Variants in MS4A4E observed in about 807,000 individuals in gnomAD.
MS4A4E encodes membrane spanning 4-domains A4E, also known as putative membrane-spanning 4-domains subfamily A member 4E.
A neutral mutation model predicts 13.3 loss-of-function variants in MS4A4E; 23 were observed. That is an observed-to-expected ratio of 1.73 (90% confidence interval 1.25 to 2.45). The LOEUF is 2.45. MS4A4E is among the 30% of genes most tolerant of loss of function. The pLI, the probability that MS4A4E is intolerant of heterozygous loss-of-function variation, is 0.00. For missense variants in MS4A4E, 144 were observed against 131.2 expected (o/e 1.10, Z -0.48); for synonymous variants, 36 against 45.6 (o/e 0.79, Z 0.85).
chr11:60,210,368 C>A (rs1289782438), intron 5 of MS4A4E, among the ~76,000 whole-genome samples: 4 of 152,038 alleles, frequency 2.6e-5, no homozygotes, highest in Non-Finnish European at 5.9e-5. Context: ...ACACAATTAA[C>A]AGGAATTCAT....
chr11:60,215,240 G>C (rs2084177368), intron 3 of MS4A4E, among the ~76,000 whole-genome samples: 1 of 151,686 alleles, frequency 6.6e-6, no homozygotes, highest in Non-Finnish European at 1.5e-5. Flanking sequence ...TAATAAAATA[G>C]CTCAATAAAC....
chr11:60,226,127 T>C (rs538298545), intron 3 of MS4A4E, among the ~76,000 whole-genome samples: 3 of 151,576 alleles, frequency 2.0e-5, no homozygotes, highest in Non-Finnish European at 4.4e-5. Context: ...AATAAGCCTA[T>C]AATTATTAAA....
intron 8 of MS4A4E, among the ~76,000 whole-genome samples, 158 bp from the exon 9 acceptor site, chr11:60,202,037 T>C (rs750708527): frequency 9.2e-5 from 14 of 152,236 alleles, no homozygotes; most frequent in Admixed American, 3.3e-4. Flanking sequence ...AAATTGATGG[T>C]TAACCACTGT....
intron 8 of MS4A4E, among the ~76,000 whole-genome samples, chr11:60,203,937 A>G (rs925942041): frequency 6.6e-6 from 1 of 152,242 alleles, no homozygotes; most frequent in African/African-American, 2.4e-5. Context: ...CCTTCTCTAC[A>G]AGTTGAAATC....
chr11:60,203,846 C>T (rs1326988073), intron 8 of MS4A4E, among the ~76,000 whole-genome samples: 2 of 152,106 alleles, frequency 1.3e-5, no homozygotes, highest in Non-Finnish European at 2.9e-5. Context: ...TGCTTTACAT[C>T]CTAATCACTT....
At chr11:60,205,533 A>G (rs1294156782) in intron 7 of MS4A4E, among the ~76,000 whole-genome samples, 181 bp downstream of exon 7, 1 of 152,246 alleles carries the variant, frequency 6.6e-6, no homozygotes, top group Non-Finnish European at 1.5e-5. Context: ...TATCTTTATT[A>G]TACCAAGAAA....
chr11:60,202,806 A>G (rs927533640), intron 8 of MS4A4E, among the ~76,000 whole-genome samples: 7 of 152,200 alleles, frequency 4.6e-5, no homozygotes, highest in Non-Finnish European at 7.3e-5. Flanking sequence ...CTTTATCCCA[A>G]TTGCGTATTA....
At chr11:60,227,059 AGGTATT>A (rs2084352714) in intron 3 of MS4A4E, among the ~76,000 whole-genome samples, 1 of 152,148 alleles carries the variant, frequency 6.6e-6, no homozygotes, top group Admixed American at 6.5e-5. Flanking sequence ...TTAAATATTT[AGGTATT>A]GGTATTTGGT....
intron 3 of MS4A4E, among the ~76,000 whole-genome samples, chr11:60,216,840 G>A (rs894472024): frequency 6.6e-6 from 1 of 152,046 alleles, no homozygotes; most frequent in Non-Finnish European, 1.5e-5. Context: ...AGCATAGCCA[G>A]AATAAAAGGA....
rs1412826125 is a variant in MS4A4E, at chr11:60,200,369, T to C, written c.*1174A>G. Among the ~76,000 whole-genome samples the C allele has an allele frequency of 2.0e-5, 3 of 151,828 alleles. No homozygotes were observed. The highest frequency in any genetic ancestry group is 4.4e-5 in the Non-Finnish European group (3 of 67,872). ...ATTTGGCAGGGTCATAGGACAATAG[T>C]GGAGGGAAGGTCAGCAGATAAACAA... is the stretch of plus-strand genomic sequence containing the variant. On this transcript the variant is annotated 3_prime_UTR_variant, in exon 9 of 9. Coordinates refer to ENST00000651255, the MANE Select transcript of MS4A4E (RefSeq NM_001393391.1).
chr11:60,221,680 A>G (rs189172892), intron 3 of MS4A4E, among the ~76,000 whole-genome samples: 152 of 152,340 alleles, frequency 1.0e-3, no homozygotes, highest in Admixed American at 2.4e-3. Flanking sequence ...ATACTGATTC[A>G]TGGGCTATAG....
Position 60,232,647 on chromosome 11 carries a change from A to G in MS4A4E, c.-16-2576T>C, listed in dbSNP as rs114717199. Among the ~76,000 whole-genome samples, 1,319 of 152,032 alleles carry G rather than the reference A, an allele frequency of 8.7e-3. 17 individuals carry two copies. Among genetic ancestry groups the G allele is most frequent in the African/African-American group, 0.03 (1,259 of 41,360 alleles). On this transcript the variant is annotated intron_variant, in intron 1 of 8. Coordinates refer to ENST00000651255, the MANE Select transcript of MS4A4E (RefSeq NM_001393391.1). ...GCTGACAGAGCTACCTGAAGTCCACATGTCTGTTCTATCCCAGAGGAGGAG... is the reference window on the plus strand; with the variant it reads ...GCTGACAGAGCTACCTGAAGTCCACGTGTCTGTTCTATCCCAGAGGAGGAG...
At position 60,204,975 on chromosome 11, in the gene MS4A4E, G is replaced by A. The variant is rs2084021955; in HGVS notation, c.591-17C>T. Among the ~76,000 whole-genome samples, 1 of 152,172 alleles carries A rather than the reference G, an allele frequency of 6.6e-6. No individual in the cohort carries two copies. The highest frequency in any genetic ancestry group is 2.1e-4 in the South Asian group (1 of 4,818). Reference sequence around the variant, plus strand: ...TCTCCGGAGCTGGAGAAAGTAGACAGGTTAGCATTGAAAGAAGGAGGGCCT... The same window carrying A: ...TCTCCGGAGCTGGAGAAAGTAGACAAGTTAGCATTGAAAGAAGGAGGGCCT... On this transcript the variant is annotated splice_polypyrimidine_tract_variant and intron_variant, in intron 7 of 8. Transcript: ENST00000651255.
At chr11:60,221,283 C>T (rs576387972) in intron 3 of MS4A4E, among the ~76,000 whole-genome samples, 3 of 152,228 alleles carry the variant, frequency 2.0e-5, no homozygotes, top group Non-Finnish European at 2.9e-5. Flanking sequence ...CAGCAGCATT[C>T]CATCATCAAA....
chr11:60,202,557 A>G (rs1258614763), intron 8 of MS4A4E, among the ~76,000 whole-genome samples: 1 of 152,138 alleles, frequency 6.6e-6, no homozygotes, highest in Non-Finnish European at 1.5e-5. Context: ...TAGCCAACTG[A>G]GAGCTATTAC....
chr11:60,214,540 C>T (rs1419286853), intron 4 of MS4A4E, 31 bp downstream of exon 4: 2 of 1,466,680 alleles, frequency 1.4e-6, no homozygotes, highest in Admixed American at 2.3e-5. Flanking sequence ...TAATCCTTTC[C>T]TTTTGATACC....
intron 5 of MS4A4E, among the ~76,000 whole-genome samples, chr11:60,210,145 G>T (rs1307630437): frequency 6.6e-6 from 1 of 152,162 alleles, no homozygotes; most frequent in Non-Finnish European, 1.5e-5. Context: ...CACAAAAGCA[G>T]CAATACACAA....
chr11:60,221,477 G>T (rs1244833202), intron 3 of MS4A4E, among the ~76,000 whole-genome samples: 1 of 152,168 alleles, frequency 6.6e-6, no homozygotes, highest in Non-Finnish European at 1.5e-5. Context: ...GAAGACAAGG[G>T]CCCTGTTTAC....
intron 2 of MS4A4E, 36 bp downstream of exon 2, chr11:60,229,876 A>C: frequency 6.4e-7 from 1 of 1,562,486 alleles, no homozygotes; most frequent in Non-Finnish European, 8.7e-7. Flanking sequence ...AGTTTACAAC[A>C]CTATTGGTCT....
Sources: allele counts gnomAD v4.1 joint callset (sites outside exome capture counted in the v4.1 genomes callset), GRCh38; gene constraint gnomAD v4.1.1; transcripts MANE v1.5; gene names NCBI Gene and HGNC (gene_info 2026-07-23, HGNC 2026-07-21).